The following TPRG1 variants were observed in gnomAD, a reference collection of about 807,000 sequenced individuals.
The protein encoded by TPRG1 is tumor protein p63 regulated 1, also known as tumor protein p63-regulated gene 1 protein.
In TPRG1, 29 loss-of-function variants were observed where a neutral mutation model predicts 29.3. That is an observed-to-expected ratio of 0.99 (90% confidence interval 0.74 to 1.35). The LOEUF (loss-of-function observed/expected upper bound fraction) is 1.35. Ranked by LOEUF, TPRG1 falls within the 40% of genes most tolerant of loss-of-function variation. The pLI is 0.00. For missense variants in TPRG1, 327 were observed against 335.0 expected (o/e 0.98, Z 0.19); for synonymous variants, 130 against 116.8 (o/e 1.11, Z -0.73).
intron 4 of TPRG1, among the ~76,000 whole-genome samples, chr3:189,292,912 G>A (rs1049859385): frequency 1.3e-5 from 2 of 152,126 alleles, no homozygotes. Flanking sequence ...GGATGGATGA[G>A]AGGGGCCTCT....
chr3:189,289,104 G>A lies in TPRG1; in HGVS notation c.480-21282G>A, dbSNP rs554569121. On this transcript the variant is annotated intron_variant, in intron 4 of 5. Transcript: ENST00000345063. ...ATTGCTGAGTGATGGGAAACACACTGCACCTGCACTTCTTCCCCGTGGCTG... is the reference window on the plus strand; with the variant it reads ...ATTGCTGAGTGATGGGAAACACACTACACCTGCACTTCTTCCCCGTGGCTG... 2.8e-4 allele frequency among the ~76,000 whole-genome samples: 42 copies of A among 152,294 alleles called. No homozygotes were observed. The Middle Eastern group carries it at 0.01, about 37-fold the overall frequency.
At chr3:189,188,206 A>T (rs1203421001) in intron 1 of TPRG1, among the ~76,000 whole-genome samples, 2 of 152,214 alleles carry the variant, frequency 1.3e-5, no homozygotes, top group East Asian at 3.8e-4. Flanking sequence ...GACATCAGAA[A>T]ATTCATTCGA....
intron 1 of TPRG1, among the ~76,000 whole-genome samples, chr3:189,187,835 T>C (rs970158138): frequency 2.6e-5 from 4 of 152,258 alleles, no homozygotes; most frequent in Admixed American, 2.6e-4. Flanking sequence ...AATTTTTATC[T>C]GAATTGCTTC....
At chr3:189,124,511 T>C (rs1317925084) in intron 1 of TPRG1, among the ~76,000 whole-genome samples, 2 of 151,502 alleles carry the variant, frequency 1.3e-5, no homozygotes, top group Non-Finnish European at 2.9e-5. Context: ...GTATACATAT[T>C]ATGACATTTT....
chr3:189,217,615 G>A (rs1352605991), intron 3 of TPRG1, among the ~76,000 whole-genome samples: 1 of 152,116 alleles, frequency 6.6e-6, no homozygotes, highest in Non-Finnish European at 1.5e-5. Context: ...CTGCCATGGT[G>A]AGAATTTGAC....
intron 4 of TPRG1, among the ~76,000 whole-genome samples, chr3:189,271,491 G>T (rs1715121983): frequency 1.3e-5 from 2 of 152,220 alleles, no homozygotes; most frequent in South Asian, 4.1e-4. Context: ...CCCTCAGTGG[G>T]TGCCAACATT....
intron 4 of TPRG1, among the ~76,000 whole-genome samples, chr3:189,065,823 A>G (rs565186082): frequency 2.6e-5 from 4 of 151,546 alleles, no homozygotes; most frequent in African/African-American, 9.7e-5. Context: ...GTAAGCTAAG[A>G]AAAAAAAAGG....
At chr3:189,158,996 A>G (rs1434720383) in intron 5 of TPRG1, among the ~76,000 whole-genome samples, 2 of 151,314 alleles carry the variant, frequency 1.3e-5, no homozygotes, top group African/African-American at 2.4e-5. Flanking sequence ...CTTAAGAGGA[A>G]TTATTCTGAA....
At chr3:189,102,491 C>G (rs928653670) in intron 1 of TPRG1, among the ~76,000 whole-genome samples, 15 of 150,522 alleles carry the variant, frequency 1.0e-4, no homozygotes, top group Non-Finnish European at 1.8e-4. Context: ...CTTTCTCAGC[C>G]CTACATGTTA....
chr3:189,085,731 G>C (rs956447873), intron 4 of TPRG1, among the ~76,000 whole-genome samples: 25 of 152,164 alleles, frequency 1.6e-4, no homozygotes, highest in Admixed American at 1.6e-3. Context: ...AACTTCTCAG[G>C]AATAAGTGAT....
chr3:189,099,696 A>G (rs973420967), upstream of TPRG1, among the ~76,000 whole-genome samples: 1 of 152,136 alleles, frequency 6.6e-6, no homozygotes, highest in African/African-American at 2.4e-5. Flanking sequence ...CAATTGCTTA[A>G]AATGGAAAGG....
intron 4 of TPRG1, among the ~76,000 whole-genome samples, chr3:189,043,076 A>G (rs1303721511): frequency 6.6e-6 from 1 of 152,202 alleles, no homozygotes; most frequent in Admixed American, 6.5e-5. Context: ...TGCTAACTAT[A>G]AGGCCTTTCT....
At chr3:189,074,751 T>C (rs1717032688) in intron 4 of TPRG1, among the ~76,000 whole-genome samples, 1 of 152,236 alleles carries the variant, frequency 6.6e-6, no homozygotes, top group African/African-American at 2.4e-5. Context: ...GAATCTTTTA[T>C]GTTATTTCAT....
intron 1 of TPRG1, among the ~76,000 whole-genome samples, chr3:189,125,666 C>T (rs1722369698): frequency 6.6e-6 from 1 of 152,144 alleles, no homozygotes; most frequent in Non-Finnish European, 1.5e-5. Flanking sequence ...GTATCACCTT[C>T]AAGCCCCATG....
chr3:189,162,183 A>G (rs1384924668), intron 5 of TPRG1, among the ~76,000 whole-genome samples: 1 of 151,990 alleles, frequency 6.6e-6, no homozygotes, highest in Non-Finnish European at 1.5e-5. Context: ...TTTAGTAGAG[A>G]GAGGGTTTCA....
intron 4 of TPRG1, among the ~76,000 whole-genome samples, chr3:189,248,863 T>G (rs1285474099): frequency 6.6e-6 from 1 of 151,272 alleles, no homozygotes; most frequent in East Asian, 1.9e-4. Context: ...TTTTATCAAT[T>G]TCTTAAATAC....
At chr3:189,250,111 T>A (rs747802284) in intron 4 of TPRG1, among the ~76,000 whole-genome samples, 2 of 152,164 alleles carry the variant, frequency 1.3e-5, no homozygotes, top group Non-Finnish European at 2.9e-5. Context: ...TGGGGACTGA[T>A]GTAATTCCAG....
chr3:189,270,061 T>TTC (rs1560629756), intron 4 of TPRG1, among the ~76,000 whole-genome samples: 337 of 132,220 alleles, frequency 2.5e-3, no homozygotes, highest in African/African-American at 9.4e-3. Context: ...TCTTCTTCTT[T>TTC]TTTGTCTGTA....
chr3:189,087,012 G>A (rs1447339309), intron 4 of TPRG1, among the ~76,000 whole-genome samples: 1 of 152,120 alleles, frequency 6.6e-6, no homozygotes, highest in African/African-American at 2.4e-5. Context: ...AATCCTTTGG[G>A]TATATACCCA....
Sources: gnomAD v4.1 joint callset for allele counts (sites outside exome capture counted in the v4.1 genomes callset) on GRCh38, gnomAD v4.1.1 for gene constraint, MANE v1.5 for transcripts, NCBI Gene and HGNC (gene_info 2026-07-23, HGNC 2026-07-21) for gene names.